The following CD8B2 variants were observed in gnomAD, a reference collection of about 807,000 sequenced individuals.
The protein encoded by CD8B2 is CD8B family member 2.
CD8B2 carries 11 observed loss-of-function variants against 23.7 expected under a neutral mutation model. The observed-to-expected ratio is 0.46, with a 90% CI of 0.29 to 0.77. The LOEUF is 0.77. CD8B2 is among the 30% of genes least tolerant of loss of function. The pLI, the probability that CD8B2 is intolerant of heterozygous loss-of-function variation, is 0.09. For synonymous variants in CD8B2, 90 were observed against 109.3 expected (o/e 0.82, Z 1.10); for missense variants, 197 against 270.5 (o/e 0.73, Z 1.91).
intron 5 of CD8B2, among the ~76,000 whole-genome samples, chr2:106,518,135 T>G (rs1679765991): frequency 1.3e-5 from 2 of 152,344 alleles, no homozygotes; most frequent in Admixed American, 1.3e-4. Flanking sequence ...GCATGGTGTC[T>G]TGTATGCAGT....
At chr2:106,503,991 T>G (rs1195916069) in intron 4 of CD8B2, among the ~76,000 whole-genome samples, 2 of 152,320 alleles carry the variant, frequency 1.3e-5, no homozygotes, top group South Asian at 4.1e-4. Context: ...TTAATTGAGT[T>G]TGAATTCTGG....
rs191156545 is a variant in CD8B2 at position 106,505,018 on chromosome 2, G to T, written c.620+693G>T. ...TTGGGGCCCACTAAGCTGAGAAAGC[G>T]CCTGTACTTACCCTGGGCTGGGCTG... On this transcript the variant is annotated intron_variant, in intron 5 of 5. Transcript: ENST00000643224. Among the ~76,000 whole-genome samples the T allele has an allele frequency of 1.2e-3, 180 of 152,278 alleles. 2 individuals are homozygous for T. The highest frequency in any genetic ancestry group is 4.1e-3 in the African/African-American group (172 of 41,554).
intron 5 of CD8B2, among the ~76,000 whole-genome samples, chr2:106,541,329 C>T (rs141372858): frequency 3.3e-5 from 5 of 152,320 alleles, no homozygotes; most frequent in South Asian, 2.1e-4. Context: ...TGAGGTCAAA[C>T]GTCCTCTTCC....
chr2:106,507,750 T>A lies in CD8B2; in HGVS notation c.*810T>A, dbSNP rs1459909675. 1.8e-6 allele frequency: 1 copy of A among 563,918 alleles called. No homozygotes were observed. The highest frequency in any genetic ancestry group is 2.0e-5 in the African/African-American group (1 of 49,302). 34.9% of individuals were successfully genotyped at this position (563,918 alleles called of 1,614,324 possible). On this transcript the variant is annotated 3_prime_UTR_variant, in exon 6 of 6. Coordinates refer to ENST00000643224, the MANE Select transcript of CD8B2 (RefSeq NM_001349727.2). ...GGAACAGAAACCAGAAGGAGAAAAT[T>A]TGTACATCCTCCTTTTGCACCTGAG...
intron 2 of CD8B2, among the ~76,000 whole-genome samples, chr2:106,493,125 T>C (rs1679225392): frequency 6.6e-6 from 1 of 152,174 alleles, no homozygotes; most frequent in Non-Finnish European, 1.5e-5. Context: ...TCTCCAGCTC[T>C]GGTTTGCAGC....
At chr2:106,512,099 A>G (rs1450055268), downstream of CD8B2, among the ~76,000 whole-genome samples, 2 of 152,246 alleles carry the variant, frequency 1.3e-5, no homozygotes, top group Non-Finnish European at 2.9e-5. Flanking sequence ...TGTTTGAGAC[A>G]GGGTGTTGCT....
At chr2:106,491,513 C>T (rs959604699) in intron 2 of CD8B2, among the ~76,000 whole-genome samples, 1 of 152,252 alleles carries the variant, frequency 6.6e-6, no homozygotes, top group Non-Finnish European at 1.5e-5. Context: ...GACGGGTCAG[C>T]GTCAGAGATG....
chr2:106,498,152 C>CTTTCT (rs1679333902), intron 3 of CD8B2, among the ~76,000 whole-genome samples: 1 of 145,482 alleles, frequency 6.9e-6, no homozygotes, highest in Non-Finnish European at 1.5e-5. Flanking sequence ...TTCTTTCTTT[C>CTTTCT]TTTTTTTTTT....
At chr2:106,530,087 T>C (rs1463261121) in intron 5 of CD8B2, among the ~76,000 whole-genome samples, 1 of 152,224 alleles carries the variant, frequency 6.6e-6, no homozygotes, top group Non-Finnish European at 1.5e-5. Flanking sequence ...GATGCCAGCA[T>C]GGCTCTGCTG....
chr2:106,531,955 C>T (rs543992713), intron 5 of CD8B2, among the ~76,000 whole-genome samples: 9 of 152,180 alleles, frequency 5.9e-5, no homozygotes, highest in South Asian at 2.1e-4. Context: ...AGTCATTTGC[C>T]GCAGGCCAGC....
intron 5 of CD8B2, among the ~76,000 whole-genome samples, chr2:106,527,986 A>C (rs1459941450): frequency 6.6e-6 from 1 of 152,048 alleles, no homozygotes; most frequent in Non-Finnish European, 1.5e-5. Context: ...GCATATCCTC[A>C]TTCTTTTTGG....
chr2:106,533,341 G>T (rs571153248), intron 5 of CD8B2, among the ~76,000 whole-genome samples: 5 of 152,216 alleles, frequency 3.3e-5, no homozygotes, highest in Non-Finnish European at 5.9e-5. Context: ...GCAGCCACTG[G>T]CTAGGGAGCA....
chr2:106,526,028 C>T (rs750536347), intron 5 of CD8B2, among the ~76,000 whole-genome samples: 1 of 152,116 alleles, frequency 6.6e-6, no homozygotes, highest in Non-Finnish European at 1.5e-5. Context: ...ATTGCCTGAG[C>T]TCAGAACTTT....
At chr2:106,530,808 C>T (rs1052598246) in intron 5 of CD8B2, among the ~76,000 whole-genome samples, 7 of 152,254 alleles carry the variant, frequency 4.6e-5, no homozygotes, top group South Asian at 4.1e-4. Context: ...CTAAATCTCA[C>T]GAAACCCAAG....
At chr2:106,525,067 G>C (rs1330071679) in intron 5 of CD8B2, among the ~76,000 whole-genome samples, 1 of 152,146 alleles carries the variant, frequency 6.6e-6, no homozygotes, top group African/African-American at 2.4e-5. Context: ...TGGAACCAAA[G>C]GCCCTTCTTT....
intron 5 of CD8B2, among the ~76,000 whole-genome samples, chr2:106,538,549 C>T (rs1444715826): frequency 6.6e-6 from 1 of 152,086 alleles, no homozygotes; most frequent in African/African-American, 2.4e-5. Flanking sequence ...TCACAAAGTG[C>T]ATTTACCTTG....
intron 5 of CD8B2, chr2:106,521,537 A>C (rs10779910): frequency 0.98 from 149,697 of 152,330 alleles, 73,622 homozygotes; most frequent in East Asian, 1. Context: ...TGTATAATTT[A>C]TTCTTAACTC....
intron 5 of CD8B2, chr2:106,521,962 G>C (rs1214996417): frequency 6.6e-6 from 1 of 152,336 alleles, no homozygotes; most frequent in Non-Finnish European, 1.5e-5. Context: ...CCCAGGGACA[G>C]TGCAGTTGCT....
At chr2:106,490,395 T>C (rs1227577950) in intron 1 of CD8B2, among the ~76,000 whole-genome samples, 2 of 152,110 alleles carry the variant, frequency 1.3e-5, no homozygotes, top group Non-Finnish European at 2.9e-5. Context: ...TTTGTGGTGG[T>C]ACATGCCTAT....
Sources: gnomAD v4.1 joint callset for allele counts (sites outside exome capture counted in the v4.1 genomes callset) on GRCh38, gnomAD v4.1.1 for gene constraint, MANE v1.5 for transcripts, NCBI Gene and HGNC (gene_info 2026-07-23, HGNC 2026-07-21) for gene names.